USP24: variants seen among roughly 807,000 people sequenced by gnomAD.
USP24 encodes the protein ubiquitin specific peptidase 24, also known as ubiquitin carboxyl-terminal hydrolase 24.
Under a neutral mutation model 361.6 loss-of-function variants are expected in USP24, and 97 were observed. The ratio of observed to expected loss-of-function variants is 0.27; its 90% CI spans 0.23 to 0.32. The LOEUF (loss-of-function observed/expected upper bound fraction) is 0.32. Among genes scored for constraint, USP24 ranks in the 10% least tolerant of loss-of-function variants. The pLI is 1.00. For synonymous variants in USP24, 1,098 were observed against 1,124.6 expected, an observed-to-expected ratio of 0.98 and a Z score of 0.47; for missense variants, 2,353 against 3,165.6, an observed-to-expected ratio of 0.74 and a Z score of 6.16.
intron 12 of USP24, among the ~76,000 whole-genome samples, chr1:55,156,405 T>C (rs1205775784): frequency 7.1e-6 from 1 of 140,978 alleles, no homozygotes; most frequent in Non-Finnish European, 1.6e-5. Context: ...AAAGTCAAAG[T>C]AGAAGAGAAT....
chr1:55,165,505 T>C (rs566665635), intron 7 of USP24, among the ~76,000 whole-genome samples: 31 of 152,146 alleles, frequency 2.0e-4, no homozygotes, highest in Non-Finnish European at 4.3e-4. Context: ...TAAAAGTATT[T>C]TTATTTGTGC....
chr1:55,077,179 C>G (rs1336139399), intron 62 of USP24, 56 bp downstream of exon 62: 12 of 1,346,078 alleles, frequency 8.9e-6, no homozygotes, highest in Non-Finnish European at 1.2e-5. Context: ...TATTTATAAA[C>G]ACTTGTTGAC....
intron 1 of USP24, among the ~76,000 whole-genome samples, chr1:55,189,451 C>T (rs1569692824): frequency 2.0e-5 from 3 of 152,244 alleles, no homozygotes; most frequent in Middle Eastern, 3.4e-3. Context: ...CAAAAATATA[C>T]TAAGTGAAAG....
intron 1 of USP24, among the ~76,000 whole-genome samples, chr1:55,208,286 T>C (rs1412295489): frequency 6.6e-6 from 1 of 152,062 alleles, no homozygotes; most frequent in Non-Finnish European, 1.5e-5. Flanking sequence ...AAAAACAAAA[T>C]GGTTATAAAA....
intron 41 of USP24, among the ~76,000 whole-genome samples, chr1:55,104,569 A>C (rs1222659349): frequency 6.6e-6 from 1 of 152,354 alleles, no homozygotes; most frequent in South Asian, 2.1e-4. Flanking sequence ...GGCTTTCTAC[A>C]CTGCCTGCCT....
In USP24 at chr1:55,205,924, A is replaced by C. The variant is rs560776907; in HGVS notation, c.324+8866T>G. 8.5e-5 allele frequency among the ~76,000 whole-genome samples: 13 copies of C among 152,316 alleles called. No homozygotes were observed. The South Asian group carries it at 2.7e-3, about 32-fold the overall frequency. ...GGCCCCATAGCTCTTAATTTCTTAA[A>C]GGAGTCAATGAATGAAAAAATTAAG... On this transcript the variant is annotated intron_variant, in intron 1 of 67. Transcript: ENST00000294383.
chr1:55,106,821 A>T (rs1424308560), intron 40 of USP24, among the ~76,000 whole-genome samples: 1 of 152,202 alleles, frequency 6.6e-6, no homozygotes, highest in Non-Finnish European at 1.5e-5. Flanking sequence ...TACAAATTAC[A>T]TGTGTACCCT....
chr1:55,198,808 G>T (rs916845198), intron 1 of USP24, among the ~76,000 whole-genome samples: 1 of 152,122 alleles, frequency 6.6e-6, no homozygotes, highest in Non-Finnish European at 1.5e-5. Context: ...TACTAATGGG[G>T]AACAAATTAT....
chr1:55,147,814 AAAAAG>A lies in USP24; in HGVS notation c.1969-21_1969-17del. On this transcript the variant is annotated splice_polypyrimidine_tract_variant and intron_variant, in intron 17 of 67. Transcript: ENST00000294383. Reference sequence around the variant, plus strand: ...GAATAATGCTCTTGGCGAAAATAACAAAAAGAAAAGTGGTAATGAGAATTTGCAGT... The same window carrying A: ...GAATAATGCTCTTGGCGAAAATAACAAAAAGTGGTAATGAGAATTTGCAGT... 1.2e-6 allele frequency: 2 copies of A among 1,609,062 alleles called. No individual in the cohort carries two copies. The highest frequency in any genetic ancestry group is 1.7e-6 in the Non-Finnish European group (2 of 1,177,302).
intron 40 of USP24, among the ~76,000 whole-genome samples, chr1:55,106,584 G>C (rs1288593275): frequency 6.6e-6 from 1 of 152,164 alleles, no homozygotes; most frequent in African/African-American, 2.4e-5. Flanking sequence ...TGAGTGAACA[G>C]TTCTTACTCT....
intron 31 of USP24, among the ~76,000 whole-genome samples, chr1:55,131,783 T>C (rs1357409032): frequency 6.6e-6 from 1 of 152,220 alleles, no homozygotes; most frequent in Non-Finnish European, 1.5e-5. Context: ...GATATAATAA[T>C]TAAGACTGCT....
rs1445614698 is a variant in USP24 at position 55,068,938 on chromosome 1, C to T, written c.*107G>A. 1 of 1,221,778 alleles carries T rather than the reference C, an allele frequency of 8.2e-7. No individual in the cohort carries two copies. Among genetic ancestry groups the T allele is most frequent in the Non-Finnish European group, 1.2e-6 (1 of 840,082 alleles). The allele number at this position is 1,221,778 out of a possible 1,614,324, so 75.7% of individuals were successfully genotyped here. On this transcript the variant is annotated 3_prime_UTR_variant, in exon 68 of 68. Coordinates refer to ENST00000294383, the MANE Select transcript of USP24 (RefSeq NM_015306.3). Reference sequence around the variant, plus strand: ...GATCCGCCCAAGTCACAGCAGCTTTCCCAGTCCAATCTCCAGGCTCTTCCA... The same window carrying T: ...GATCCGCCCAAGTCACAGCAGCTTTTCCAGTCCAATCTCCAGGCTCTTCCA...
At chr1:55,110,319 C>A in intron 38 of USP24, 73 bp from the exon 39 acceptor site, 1 of 1,255,556 alleles carries the variant, frequency 8.0e-7, no homozygotes, top group Non-Finnish European at 1.1e-6. Context: ...CTTGTAAGAA[C>A]AAATTCATAA....
rs752955826 is a variant in USP24 at position 55,096,615 on chromosome 1, C to T, written c.5944G>A (p.Gly1982Arg). 3.7e-6 allele frequency: 6 copies of T among 1,609,644 alleles called. No individual in the cohort carries two copies. The East Asian group carries it at 1.1e-4, about 30-fold the overall frequency. ...TTAAATTTATACCACTTTCCTTTTC[C>T]ACACCCTCTAGAACCCAGAGATCAG... ...YSFIKDRRGC[G>R]KGKWYKFNDT... The change falls in exon 50 of 68, where the codon GGA becomes AGA. Residue 1982 changes from glycine to arginine, a missense_variant. Coordinates refer to ENST00000294383, the MANE Select transcript of USP24 (RefSeq NM_015306.3).
At chr1:55,103,590 A>G (rs1238467678) in intron 42 of USP24, among the ~76,000 whole-genome samples, 1 of 152,228 alleles carries the variant, frequency 6.6e-6, no homozygotes, top group East Asian at 1.9e-4. Flanking sequence ...TGCCCAGCAT[A>G]AAGTCACTGA....
intron 45 of USP24, among the ~76,000 whole-genome samples, 184 bp downstream of exon 45, chr1:55,099,587 A>G (rs1231527677): frequency 3.3e-5 from 5 of 152,154 alleles, no homozygotes; most frequent in Admixed American, 2.6e-4. Flanking sequence ...AAAAGAGAAA[A>G]TATACAATTC....
chr1:55,199,127 A>T (rs1467523218), intron 1 of USP24, among the ~76,000 whole-genome samples: 1 of 152,072 alleles, frequency 6.6e-6, no homozygotes, highest in East Asian at 1.9e-4. Flanking sequence ...TGTCTCTATT[A>T]AAAATACAAA....
chr1:55,139,535 C>G (rs1646829858), intron 24 of USP24, among the ~76,000 whole-genome samples: 1 of 152,158 alleles, frequency 6.6e-6, no homozygotes, highest in Non-Finnish European at 1.5e-5. Context: ...TCTTACTTAT[C>G]ATTTGAAATA....
intron 38 of USP24, among the ~76,000 whole-genome samples, chr1:55,111,478 A>G (rs1194123645): frequency 6.6e-6 from 1 of 152,110 alleles, no homozygotes; most frequent in Non-Finnish European, 1.5e-5. Flanking sequence ...TGGCTTAAAC[A>G]TTTATACTGA....
Sources: allele counts gnomAD v4.1 joint callset (sites outside exome capture counted in the v4.1 genomes callset), GRCh38; gene constraint gnomAD v4.1.1; transcripts MANE v1.5; gene names NCBI Gene and HGNC (gene_info 2026-07-23, HGNC 2026-07-21).